Variants in PDE1A observed in about 807,000 individuals in gnomAD.
PDE1A encodes dual specificity calcium/calmodulin-dependent 3',5'-cyclic nucleotide phosphodiesterase 1A.
Under a neutral mutation model 61.7 loss-of-function variants are expected in PDE1A, and 35 were observed. That is an observed-to-expected ratio of 0.57 (90% CI 0.43 to 0.75). The LOEUF (loss-of-function observed/expected upper bound fraction) is 0.75, where lower values mean the gene tolerates loss of function less well. Among genes scored for constraint, PDE1A ranks in the 30% least tolerant of loss-of-function variants. The probability of loss-of-function intolerance (pLI) is 0.00; values close to 1 mark genes in which losing one functional copy is unlikely to be tolerated. For synonymous variants in PDE1A, 232 were observed against 213.2 expected, an observed-to-expected ratio of 1.09 and a Z score of -0.77; for missense variants, 597 against 630.6, an observed-to-expected ratio of 0.95 and a Z score of 0.57.
the PDE1A span, among the ~76,000 whole-genome samples, chr2:182,672,283 T>C: frequency 2.0e-5 from 3 of 152,348 alleles, no homozygotes; most frequent in South Asian, 6.2e-4. Context: ...TATATAAGCA[T>C]ATTTTACTTG....
intron 1 of PDE1A, among the ~76,000 whole-genome samples, chr2:182,373,131 G>C (rs1053673320): frequency 6.6e-6 from 1 of 152,126 alleles, no homozygotes; most frequent in African/African-American, 2.4e-5. Context: ...TACATCACAG[G>C]GGCTTCAATG....
chr2:182,627,103 A>T, the PDE1A span, among the ~76,000 whole-genome samples: 1 of 52,020 alleles, frequency 1.9e-5, no homozygotes. Context: ...TTATGTATAT[A>T]TAAAATATAA....
chr2:182,302,794 GT>G (rs150167254), intron 1 of PDE1A, among the ~76,000 whole-genome samples: 112 of 150,200 alleles, frequency 7.5e-4, no homozygotes, highest in African/African-American at 1.3e-3. Flanking sequence ...TACCAACTAA[GT>G]TTTTTTTTTC....
chr2:182,295,454 C>T (rs1694821912), intron 1 of PDE1A, among the ~76,000 whole-genome samples: 1 of 152,184 alleles, frequency 6.6e-6, no homozygotes, highest in Admixed American at 6.5e-5. Flanking sequence ...TAATGGAAGA[C>T]AAACCTCTTA....
chr2:182,215,220 G>A (rs1688052991), intron 7 of PDE1A, among the ~76,000 whole-genome samples: 3 of 71,738 alleles, frequency 4.2e-5, no homozygotes, highest in African/African-American at 1.7e-4. Context: ...AAACCAACGA[G>A]AACAAAGACA....
chr2:182,456,817 G>C (rs1185873515), intron 2 of PDE1A, among the ~76,000 whole-genome samples: 1 of 152,108 alleles, frequency 6.6e-6, no homozygotes, highest in African/African-American at 2.4e-5. Flanking sequence ...GTGTTTATAT[G>C]TAAAATCAAA....
the PDE1A span, among the ~76,000 whole-genome samples, chr2:182,634,799 T>C: frequency 6.6e-6 from 1 of 152,208 alleles, no homozygotes; most frequent in Non-Finnish European, 1.5e-5. Context: ...AATATTAAAA[T>C]GATCAAAATT....
At chr2:182,426,784 T>G in exon 1 of PDE1A, 1 of 1,462,236 alleles carries the variant, frequency 6.8e-7, no homozygotes, top group South Asian at 1.5e-5. Flanking sequence ...AAAACTTCCC[T>G]GTTCTCTGCC....
In PDE1A at chr2:182,206,077, A is replaced by G; in HGVS notation, c.777-12T>C. The G allele has an allele frequency of 1.9e-6, 3 of 1,598,350 alleles. No individual in the cohort carries two copies. On this transcript the variant is annotated splice_polypyrimidine_tract_variant and intron_variant, in intron 7 of 13. Coordinates refer to ENST00000351439, the Ensembl canonical transcript of PDE1A. ...TGGCAACATCTGACCTAAGAATTAA[A>G]AACAAAATGCCCAACAGAGGATTTC...
chr2:182,609,265 AGCTCTCTGCAAAACAGACCAATCG>A, the PDE1A span, among the ~76,000 whole-genome samples: 3 of 152,316 alleles, frequency 2.0e-5, no homozygotes, highest in East Asian at 3.9e-4. Flanking sequence ...CGGACCAATC[AGCTCTCTGCAAAACAGACCAATCG>A]GCTCTCTGTA....
At position 182,296,121 on chromosome 2, in the gene PDE1A, G is replaced by A. The variant is rs138454232; in HGVS notation, c.54-31707C>T. Among the ~76,000 whole-genome samples the A allele has an allele frequency of 4.3e-3, 660 of 152,280 alleles. 5 individuals carry two copies. The highest frequency in any genetic ancestry group is 0.031 in the Middle Eastern group (9 of 294). On this transcript the variant is annotated intron_variant, in intron 1 of 13. Transcript: ENST00000351439. ...AAATATAATCATGGTAAGCTCAAAT[G>A]TAGGCACGTGTAACGCATTAGAGTC... is the stretch of plus-strand genomic sequence containing the variant.
At chr2:182,311,735 C>A (rs1256135823) in intron 1 of PDE1A, among the ~76,000 whole-genome samples, 1 of 152,120 alleles carries the variant, frequency 6.6e-6, no homozygotes, top group African/African-American at 2.4e-5. Flanking sequence ...AGCTGATGGA[C>A]ATTCACATGT....
chr2:182,542,515 A>C, the PDE1A span, among the ~76,000 whole-genome samples: 29 of 152,206 alleles, frequency 1.9e-4, no homozygotes, highest in African/African-American at 7.0e-4. Flanking sequence ...TACATATAGT[A>C]TCTAATATAT....
intron 1 of PDE1A, among the ~76,000 whole-genome samples, chr2:182,400,140 T>C (rs187579726): frequency 5.3e-5 from 8 of 152,288 alleles, no homozygotes; most frequent in African/African-American, 1.9e-4. Flanking sequence ...CTATTTGATT[T>C]TTTTCTTCCC....
At chr2:182,447,264 G>A (rs1406227966) in intron 2 of PDE1A, among the ~76,000 whole-genome samples, 1 of 151,634 alleles carries the variant, frequency 6.6e-6, no homozygotes, top group East Asian at 1.9e-4. Context: ...AATATCTCAT[G>A]TCATCTATGA....
intron 1 of PDE1A, among the ~76,000 whole-genome samples, chr2:182,364,012 T>C (rs1277460850): frequency 6.6e-6 from 1 of 151,976 alleles, no homozygotes; most frequent in Admixed American, 6.6e-5. Context: ...GGTTCCATTT[T>C]GGTTCCATTT....
chr2:182,363,299 A>G (rs190209646), intron 1 of PDE1A, among the ~76,000 whole-genome samples: 175 of 152,174 alleles, frequency 1.1e-3, no homozygotes, highest in Non-Finnish European at 1.4e-3. Flanking sequence ...TACAAAATAG[A>G]GAAAATAAAA....
At chr2:182,297,357 C>T (rs1694954159) in intron 1 of PDE1A, among the ~76,000 whole-genome samples, 1 of 152,028 alleles carries the variant, frequency 6.6e-6, no homozygotes, top group South Asian at 2.1e-4. Context: ...AACTCTATTT[C>T]CTGAGCCCAG....
intron 3 of PDE1A, among the ~76,000 whole-genome samples, chr2:182,238,463 T>C (rs1437076775): frequency 6.6e-6 from 1 of 151,846 alleles, no homozygotes; most frequent in African/African-American, 2.4e-5. Context: ...GATGAGGAAG[T>C]GAGTGGATTC....
Sources: gnomAD v4.1 joint callset for allele counts (sites outside exome capture counted in the v4.1 genomes callset) on GRCh38, gnomAD v4.1.1 for gene constraint, MANE v1.5 for transcripts, NCBI Gene and HGNC (gene_info 2026-07-23, HGNC 2026-07-21) for gene names.